Variants in CACNA2D3 observed in about 807,000 individuals in gnomAD.
CACNA2D3 encodes the protein voltage-dependent calcium channel subunit alpha-2/delta-3.
A neutral mutation model predicts 160.6 loss-of-function variants in CACNA2D3; 60 were observed. The ratio of observed to expected loss-of-function variants is 0.37; its 90% CI spans 0.30 to 0.46. The LOEUF (loss-of-function observed/expected upper bound fraction) is 0.46. Among genes scored for constraint, CACNA2D3 ranks in the 20% least tolerant of loss-of-function variants. CACNA2D3 has a pLI of 1.00. For synonymous variants in CACNA2D3, 558 were observed against 492.9 expected (o/e 1.13, Z -1.75); for missense variants, 1,205 against 1,365.0 (o/e 0.88, Z 1.85).
At chr3:55,049,698 T>C (rs1229053381) in intron 35 of CACNA2D3, among the ~76,000 whole-genome samples, 1 of 147,850 alleles carries the variant, frequency 6.8e-6, no homozygotes, top group East Asian at 2.0e-4. Context: ...ATATTGACAG[T>C]GGGGTGTTAA....
At chr3:54,786,248 G>A (rs1297764477) in intron 13 of CACNA2D3, among the ~76,000 whole-genome samples, 1 of 151,968 alleles carries the variant, frequency 6.6e-6, no homozygotes, top group East Asian at 1.9e-4. Flanking sequence ...ATAAAGTCTG[G>A]GTCACTAACT....
intron 4 of CACNA2D3, among the ~76,000 whole-genome samples, chr3:54,447,978 C>G (rs545709687): frequency 9.2e-5 from 14 of 152,270 alleles, no homozygotes; most frequent in African/African-American, 2.9e-4. Flanking sequence ...ACAGAAAACT[C>G]CACACAAAGT....
At chr3:54,241,374 C>T (rs2107408118) in intron 2 of CACNA2D3, among the ~76,000 whole-genome samples, 1 of 152,218 alleles carries the variant, frequency 6.6e-6, no homozygotes, top group Non-Finnish European at 1.5e-5. Context: ...ATCACGAGTA[C>T]CTCTATTATA....
intron 35 of CACNA2D3, among the ~76,000 whole-genome samples, chr3:55,070,372 G>A (rs1704775460): frequency 6.6e-6 from 1 of 152,178 alleles, no homozygotes; most frequent in Non-Finnish European, 1.5e-5. Context: ...TTTAGGAGTT[G>A]TGCTATAAGG....
At chr3:54,824,136 A>G (rs1703699344) in intron 14 of CACNA2D3, among the ~76,000 whole-genome samples, 1 of 152,242 alleles carries the variant, frequency 6.6e-6, no homozygotes, top group Non-Finnish European at 1.5e-5. Context: ...ACAAAGGTTT[A>G]TAAACAGTGG....
intron 9 of CACNA2D3, among the ~76,000 whole-genome samples, chr3:54,585,500 G>A (rs1267670805): frequency 6.6e-6 from 1 of 152,168 alleles, no homozygotes; most frequent in Non-Finnish European, 1.5e-5. Context: ...ATCACCTTAT[G>A]TATTAGTCTG....
intron 5 of CACNA2D3, among the ~76,000 whole-genome samples, chr3:54,544,395 C>T (rs1164713389): frequency 6.9e-6 from 1 of 145,884 alleles, no homozygotes; most frequent in Non-Finnish European, 1.5e-5. Context: ...ACCAAACTAG[C>T]CTTTTTTTTT....
intron 27 of CACNA2D3, chr3:54,925,120 C>A: frequency 6.2e-7 from 1 of 1,614,092 alleles, no homozygotes; most frequent in Non-Finnish European, 8.5e-7. Flanking sequence ...TGGCTGCAGT[C>A]TACAAAATTT....
chr3:54,770,100 T>A lies in CACNA2D3; in HGVS notation c.1380+5749T>A, dbSNP rs536991215. ...CCCGAAAATACTTGCTGCCGACACT[T>A]GCGGCTGCAGCTGTTAACCCGAGAT... is the stretch of plus-strand genomic sequence containing the variant. On this transcript the variant is annotated intron_variant, in intron 13 of 37. Transcript: ENST00000474759. 6.6e-5 allele frequency among the ~76,000 whole-genome samples: 10 copies of A among 152,342 alleles called. No homozygotes were observed. In the South Asian group the frequency reaches 2.1e-3, roughly 32 times the overall value.
intron 4 of CACNA2D3, among the ~76,000 whole-genome samples, chr3:54,441,232 G>T (rs113942807): frequency 0.01 from 1,527 of 152,280 alleles, 16 homozygotes; most frequent in Non-Finnish European, 0.016. Context: ...TTTCTCTGGT[G>T]GCCAGTGATG....
At chr3:54,638,809 C>T (rs905939335) in intron 10 of CACNA2D3, 10 of 151,970 alleles carry the variant, frequency 6.6e-5, no homozygotes, top group African/African-American at 1.9e-4. Context: ...CTATTTGGAA[C>T]TACTGTTGAG....
At chr3:54,239,423 T>C (rs953514518) in intron 2 of CACNA2D3, among the ~76,000 whole-genome samples, 2 of 152,222 alleles carry the variant, frequency 1.3e-5, no homozygotes, top group Non-Finnish European at 2.9e-5. Flanking sequence ...AGACAAGATA[T>C]ATATTCATGG....
chr3:54,522,629 G>C (rs921713418), intron 5 of CACNA2D3, among the ~76,000 whole-genome samples: 1 of 152,110 alleles, frequency 6.6e-6, no homozygotes, highest in African/African-American at 2.4e-5. Flanking sequence ...TCATGTCATT[G>C]GCATGCAACA....
intron 11 of CACNA2D3, among the ~76,000 whole-genome samples, chr3:54,741,492 C>T (rs1196536491): frequency 6.6e-6 from 1 of 152,004 alleles, no homozygotes; most frequent in Non-Finnish European, 1.5e-5. Flanking sequence ...GGTGGCTCAA[C>T]GCCACCCTGG....
At chr3:54,227,235 C>T (rs1476083946) in intron 2 of CACNA2D3, among the ~76,000 whole-genome samples, 11 of 152,058 alleles carry the variant, frequency 7.2e-5, no homozygotes, top group Middle Eastern at 3.2e-3. Flanking sequence ...TTTTCACGTT[C>T]AGGATCTGGG....
At chr3:54,896,621 C>T in intron 25 of CACNA2D3, 128 bp from the exon 26 acceptor site, 1 of 1,095,146 alleles carries the variant, frequency 9.1e-7, no homozygotes, top group Non-Finnish European at 1.4e-6. Context: ...CCCCTCTATA[C>T]TGAGAAAGGC....
chr3:54,975,097 C>G (rs1702359148), intron 29 of CACNA2D3, among the ~76,000 whole-genome samples: 1 of 152,232 alleles, frequency 6.6e-6, no homozygotes, highest in Admixed American at 6.5e-5. Flanking sequence ...GCTCACTCCA[C>G]TGCACTCTAC....
intron 4 of CACNA2D3, among the ~76,000 whole-genome samples, chr3:54,413,893 A>G (rs1425632542): frequency 1.5e-5 from 2 of 131,418 alleles, no homozygotes; most frequent in Middle Eastern, 3.7e-3. Flanking sequence ...GTTTCTTTTG[A>G]CTGCTTTTTC....
rs1226125545 is a variant in CACNA2D3, at chr3:54,891,403, C to T, written c.2199C>T (p.Gly733=). 1 of 1,613,796 alleles carries T rather than the reference C, an allele frequency of 6.2e-7. No individual in the cohort carries two copies. The highest frequency in any genetic ancestry group is 8.5e-7 in the Non-Finnish European group (1 of 1,179,886). The change falls in exon 25 of 38, where the codon GGC becomes GGT. Residue 733 remains glycine (G), a synonymous_variant. Coordinates refer to ENST00000474759, the MANE Select transcript of CACNA2D3 (RefSeq NM_018398.3). Reference sequence around the variant, plus strand: ...TTGCCTTCCTCGGCACTCGCACGGGCCTCTCCAGAATCAACCTGTTTGTCG... The same window carrying T: ...TTGCCTTCCTCGGCACTCGCACGGGTCTCTCCAGAATCAACCTGTTTGTCG... The part of the protein sequence containing the change: ...VEVAFLGTRT[G]LSRINLFVGA...
Sources: allele counts gnomAD v4.1 joint callset (sites outside exome capture counted in the v4.1 genomes callset), GRCh38; gene constraint gnomAD v4.1.1; transcripts MANE v1.5; gene names NCBI Gene and HGNC (gene_info 2026-07-23, HGNC 2026-07-21).